SH3RF3: variants seen among roughly 807,000 people sequenced by gnomAD.
SH3RF3 encodes the protein SH3 domain containing ring finger 3.
In SH3RF3, 29 loss-of-function variants were observed where a neutral mutation model predicts 66.3. That is an observed-to-expected ratio of 0.44 (90% CI 0.33 to 0.60). The LOEUF is 0.60. Ranked by LOEUF, SH3RF3 falls within the 20% of genes least tolerant of loss-of-function variation. SH3RF3 has a pLI of 0.04. For missense variants in SH3RF3, 1,194 were observed against 1,190.9 expected (o/e 1.00, Z -0.04); for synonymous variants, 583 against 532.0 (o/e 1.10, Z -1.32).
chr2:109,347,416 CTG>C (rs773562499), intron 1 of SH3RF3, among the ~76,000 whole-genome samples: 11 of 152,054 alleles, frequency 7.2e-5, no homozygotes, highest in Non-Finnish European at 1.5e-4. Context: ...ATGAGGTTGT[CTG>C]TGTGGAAGGC....
intron 1 of SH3RF3, among the ~76,000 whole-genome samples, chr2:109,324,303 C>G (rs560599438): frequency 5.0e-4 from 76 of 152,306 alleles, no homozygotes; most frequent in African/African-American, 1.7e-3. Context: ...CAGGTTTCCA[C>G]TGCTCTAGGA....
intron 8 of SH3RF3, among the ~76,000 whole-genome samples, chr2:109,482,631 T>C (rs1297672005): frequency 6.6e-6 from 1 of 152,200 alleles, no homozygotes; most frequent in East Asian, 1.9e-4. Flanking sequence ...TTCACCATCG[T>C]TTTGAGTGCT....
At chr2:109,315,906 A>G (rs74375566) in intron 1 of SH3RF3, among the ~76,000 whole-genome samples, 47,344 of 151,926 alleles carry the variant, frequency 0.31, 9,125 homozygotes, top group African/African-American at 0.55. Flanking sequence ...TGCGACCAGC[A>G]TAGGTCTGTG....
chr2:109,288,684 G>C (rs1373361343), intron 1 of SH3RF3, among the ~76,000 whole-genome samples: 1 of 152,094 alleles, frequency 6.6e-6, no homozygotes, highest in Non-Finnish European at 1.5e-5. Context: ...TTTTCTCTTT[G>C]CCGGGAGCCT....
chr2:109,501,426 C>A, intron 9 of SH3RF3, 77 bp from the exon 10 acceptor site: 1 of 646,412 alleles, frequency 1.5e-6, no homozygotes, highest in Non-Finnish European at 2.9e-6. Context: ...TAATTTACAC[C>A]GAGGGAAGAA....
At chr2:109,188,286 T>A (rs916155629) in intron 1 of SH3RF3, among the ~76,000 whole-genome samples, 4 of 152,228 alleles carry the variant, frequency 2.6e-5, no homozygotes, top group African/African-American at 9.6e-5. Flanking sequence ...CCAGTCTTTC[T>A]GTGGGATCTG....
At chr2:109,225,478 A>G (rs1002285759) in intron 1 of SH3RF3, among the ~76,000 whole-genome samples, 2 of 152,190 alleles carry the variant, frequency 1.3e-5, no homozygotes, top group Non-Finnish European at 2.9e-5. Context: ...CCGACTCCCC[A>G]CTGGGGACTG....
At chr2:109,242,626 G>A (rs1024989558) in intron 1 of SH3RF3, among the ~76,000 whole-genome samples, 6 of 152,194 alleles carry the variant, frequency 3.9e-5, no homozygotes, top group African/African-American at 1.4e-4. Context: ...TCCTTACTGG[G>A]CTGTGCCTAC....
At chr2:109,392,695 T>C (rs1308804654) in intron 3 of SH3RF3, among the ~76,000 whole-genome samples, 1 of 151,988 alleles carries the variant, frequency 6.6e-6, no homozygotes, top group Non-Finnish European at 1.5e-5. Flanking sequence ...ATTTTTTTTT[T>C]CAGTAGAGAT....
At chr2:109,157,028 A>G (rs1388183138) in intron 1 of SH3RF3, among the ~76,000 whole-genome samples, 1 of 152,168 alleles carries the variant, frequency 6.6e-6, no homozygotes, top group Admixed American at 6.5e-5. Flanking sequence ...TCATTTTTCC[A>G]TCATAGGATT....
chr2:109,191,842 A>T (rs1678374965), intron 1 of SH3RF3, among the ~76,000 whole-genome samples: 3 of 152,176 alleles, frequency 2.0e-5, no homozygotes, highest in African/African-American at 7.2e-5. Flanking sequence ...TTATAAAAAC[A>T]ATAACCCTTT....
intron 1 of SH3RF3, among the ~76,000 whole-genome samples, chr2:109,279,297 CA>C (rs1161499276): frequency 6.6e-6 from 1 of 152,174 alleles, no homozygotes; most frequent in Non-Finnish European, 1.5e-5. Context: ...TTAACTGCTG[CA>C]AAGGGATTGC....
intron 4 of SH3RF3, among the ~76,000 whole-genome samples, chr2:109,412,964 G>A (rs1676633923): frequency 6.6e-6 from 1 of 152,256 alleles, no homozygotes; most frequent in East Asian, 1.9e-4. Flanking sequence ...TGGAGACCAC[G>A]GCACAGGCGG....
At chr2:109,138,290 G>T (rs951173734) in intron 1 of SH3RF3, among the ~76,000 whole-genome samples, 7 of 152,200 alleles carry the variant, frequency 4.6e-5, no homozygotes, top group African/African-American at 1.7e-4. Flanking sequence ...GCCTCCCAAA[G>T]TGCTGGGATT....
At chr2:109,415,847 A>G (rs1308515455) in intron 4 of SH3RF3, among the ~76,000 whole-genome samples, 2 of 152,180 alleles carry the variant, frequency 1.3e-5, no homozygotes, top group Non-Finnish European at 2.9e-5. Flanking sequence ...TCATGTTGAA[A>G]TTTAATCCCC....
intron 1 of SH3RF3, among the ~76,000 whole-genome samples, chr2:109,253,695 T>C (rs1372938215): frequency 6.6e-6 from 1 of 152,158 alleles, no homozygotes; most frequent in Non-Finnish European, 1.5e-5. Context: ...TTTGGCTGTC[T>C]GGAAAATAGA....
intron 1 of SH3RF3, among the ~76,000 whole-genome samples, chr2:109,259,867 C>T (rs7576670): frequency 0.014 from 2,155 of 152,212 alleles, 44 homozygotes; most frequent in African/African-American, 0.05. Flanking sequence ...CTGGGCCGGG[C>T]GCTGTGGGGA....
At chr2:109,137,744 C>T (rs1676843597) in intron 1 of SH3RF3, among the ~76,000 whole-genome samples, 1 of 152,196 alleles carries the variant, frequency 6.6e-6, no homozygotes, top group East Asian at 1.9e-4. Flanking sequence ...CATTAGACAC[C>T]ACCCGTCCTG....
intron 1 of SH3RF3, among the ~76,000 whole-genome samples, chr2:109,171,467 G>A (rs1345210752): frequency 6.6e-6 from 1 of 152,208 alleles, no homozygotes; most frequent in Non-Finnish European, 1.5e-5. Flanking sequence ...CCTGCTCCAC[G>A]CTTGCCCCCC....
Sources: gnomAD v4.1 joint callset for allele counts (sites outside exome capture counted in the v4.1 genomes callset) on GRCh38, gnomAD v4.1.1 for gene constraint, MANE v1.5 for transcripts, NCBI Gene and HGNC (gene_info 2026-07-23, HGNC 2026-07-21) for gene names.